SLC2A9: variants seen among roughly 807,000 people sequenced by gnomAD.
SLC2A9 encodes solute carrier family 2, facilitated glucose transporter member 9.
Under a neutral mutation model 50.6 loss-of-function variants are expected in SLC2A9, and 39 were observed. That is an observed-to-expected ratio of 0.77 (90% CI 0.60 to 1.01). The LOEUF (loss-of-function observed/expected upper bound fraction) is 1.01. Ranked by LOEUF, SLC2A9 falls within the 50% of genes least tolerant of loss-of-function variation. SLC2A9 has a pLI of 0.00. For synonymous variants in SLC2A9, 324 were observed against 276.9 expected (o/e 1.17, Z -1.69); for missense variants, 686 against 677.6 (o/e 1.01, Z -0.14).
chr4:9,792,376 C>T (rs1472486778), intron 3 of SLC2A9, among the ~76,000 whole-genome samples: 3 of 147,978 alleles, frequency 2.0e-5, no homozygotes, highest in Admixed American at 6.8e-5. Flanking sequence ...TTATTAGAGA[C>T]AAGATTGCAC....
intron 3 of SLC2A9, among the ~76,000 whole-genome samples, chr4:9,812,643 A>T (rs927228336): frequency 6.6e-6 from 1 of 152,160 alleles, no homozygotes; most frequent in South Asian, 2.1e-4. Flanking sequence ...ATGCGTAGGT[A>T]GCTGAGAAGT....
chr4:10,031,729 C>A (rs1001312969), intron 1 of SLC2A9, among the ~76,000 whole-genome samples: 1 of 152,260 alleles, frequency 6.6e-6, no homozygotes, highest in Non-Finnish European at 1.5e-5. Flanking sequence ...TTGTGGAAAT[C>A]AGGAAACCGA....
chr4:9,826,396 G>A lies in SLC2A9; in HGVS notation c.*1C>T. The A allele has an allele frequency of 6.2e-7, 1 of 1,614,002 alleles. No homozygotes were observed. Among genetic ancestry groups the A allele is most frequent in the African/African-American group, 1.3e-5 (1 of 75,044 alleles). On this transcript the variant is annotated 3_prime_UTR_variant, in exon 12 of 12. Transcript: ENST00000264784. ...TTGTCCAACGTGGAGGAGGAAACTT[G>A]TTAAGGCCTTCCATTTATCTTACCA...
At chr4:9,835,271 A>G (rs768084413) in intron 10 of SLC2A9, among the ~76,000 whole-genome samples, 11 of 151,170 alleles carry the variant, frequency 7.3e-5, no homozygotes, top group Non-Finnish European at 1.5e-4. Flanking sequence ...CCACAACCCA[A>G]GCCAACCCTA....
chr4:10,002,726 G>A (rs1184281152), intron 2 of SLC2A9, among the ~76,000 whole-genome samples: 7 of 152,208 alleles, frequency 4.6e-5, no homozygotes, highest in Admixed American at 1.3e-4. Flanking sequence ...GGTGGTGCAC[G>A]CCTCTAGTCC....
chr4:9,842,926 G>C (rs926100059), intron 10 of SLC2A9, among the ~76,000 whole-genome samples: 1 of 152,148 alleles, frequency 6.6e-6, no homozygotes, highest in African/African-American at 2.4e-5. Flanking sequence ...GGAGGTGAAA[G>C]AGGTGGATAA....
rs566093429 is a variant in SLC2A9, at chr4:9,854,169, C to A, written c.1292-19161G>T. Among the ~76,000 whole-genome samples, 172 of 151,912 alleles carry A rather than the reference C, an allele frequency of 1.1e-3. 1 individual carries two copies. The highest frequency in any genetic ancestry group is 1.9e-3 in the Non-Finnish European group (129 of 67,938). On this transcript the variant is annotated intron_variant, in intron 10 of 11. Transcript: ENST00000264784. ...ACTGAAAGAAATTGAGACACACACA[C>A]AAAAAATACAAAATATCAATGAATT...
chr4:9,903,075 G>A (rs897169015), intron 8 of SLC2A9, among the ~76,000 whole-genome samples: 4 of 152,084 alleles, frequency 2.6e-5, no homozygotes, highest in Admixed American at 1.3e-4. Flanking sequence ...TAGCAGCTGC[G>A]GGGCCAGTAT....
At chr4:9,896,302 G>A (rs2109847804) in intron 8 of SLC2A9, among the ~76,000 whole-genome samples, 1 of 152,250 alleles carries the variant, frequency 6.6e-6, no homozygotes, top group South Asian at 2.1e-4. Flanking sequence ...CACCATTTTG[G>A]TGAACAATGG....
intron 2 of SLC2A9, among the ~76,000 whole-genome samples, chr4:10,002,363 C>T (rs954502182): frequency 1.3e-5 from 2 of 152,170 alleles, no homozygotes; most frequent in African/African-American, 2.4e-5. Flanking sequence ...GTGGTAAAAG[C>T]CCTCATTTAC....
At chr4:9,845,423 A>ATTTTT (rs1183351674) in intron 10 of SLC2A9, among the ~76,000 whole-genome samples, 1 of 130,798 alleles carries the variant, frequency 7.6e-6, no homozygotes, top group African/African-American at 3.2e-5. Flanking sequence ...ACGATCATCA[A>ATTTTT]TTTCTTTTTT....
chr4:9,825,487 A>G (rs928145512), downstream of SLC2A9, among the ~76,000 whole-genome samples: 20 of 151,582 alleles, frequency 1.3e-4, no homozygotes, highest in African/African-American at 2.2e-4. Flanking sequence ...ATGTGCTGAC[A>G]CTCTGAGCCC....
chr4:9,931,944 C>CTA (rs1560328821), intron 6 of SLC2A9, among the ~76,000 whole-genome samples: 1 of 52,724 alleles, frequency 1.9e-5, no homozygotes, highest in African/African-American at 1.0e-4. Flanking sequence ...CTCTCTCTCT[C>CTA]TCTCTCTCTC....
chr4:9,813,718 A>C (rs1239570625), intron 3 of SLC2A9, among the ~76,000 whole-genome samples: 1 of 152,208 alleles, frequency 6.6e-6, no homozygotes, highest in East Asian at 1.9e-4. Context: ...ACAGGCTTCT[A>C]TGGAAGTCAA....
chr4:9,897,684 C>G (rs1475463318), intron 8 of SLC2A9, among the ~76,000 whole-genome samples: 1 of 151,876 alleles, frequency 6.6e-6, no homozygotes, highest in Non-Finnish European at 1.5e-5. Context: ...GTCAGGAGTT[C>G]GAGACCAGCC....
At chr4:9,960,564 C>A (rs1474110237) in intron 5 of SLC2A9, among the ~76,000 whole-genome samples, 2 of 152,206 alleles carry the variant, frequency 1.3e-5, no homozygotes, top group African/African-American at 4.8e-5. Context: ...AAGGCACCCA[C>A]AGCATGTGAA....
intron 3 of SLC2A9, among the ~76,000 whole-genome samples, chr4:9,993,395 T>C (rs1758051182): frequency 1.3e-5 from 2 of 152,156 alleles, no homozygotes; most frequent in Admixed American, 1.3e-4. Context: ...GTGAAGATGA[T>C]GATGATGTTG....
chr4:9,879,534 C>G (rs1519098), intron 10 of SLC2A9: 1 of 984,860 alleles, frequency 1.0e-6, no homozygotes, highest in African/African-American at 1.8e-5. Context: ...TGCTGATACG[C>G]CCCTGCAGTC....
chr4:9,835,482 A>G (rs1377897937), intron 10 of SLC2A9, among the ~76,000 whole-genome samples: 1 of 152,226 alleles, frequency 6.6e-6, no homozygotes, highest in East Asian at 1.9e-4. Context: ...TGTTTCTCAG[A>G]CAAGACAGAG....
Sources: gnomAD v4.1 joint callset for allele counts (sites outside exome capture counted in the v4.1 genomes callset) on GRCh38, gnomAD v4.1.1 for gene constraint, MANE v1.5 for transcripts, NCBI Gene and HGNC (gene_info 2026-07-23, HGNC 2026-07-21) for gene names.